COL21A1: variants seen among roughly 807,000 people sequenced by gnomAD.
COL21A1 encodes the protein collagen type XXI alpha 1 chain.
COL21A1 carries 149 observed loss-of-function variants against 137.9 expected under a neutral mutation model. That is an observed-to-expected ratio of 1.08 (90% confidence interval 0.95 to 1.24). The LOEUF (loss-of-function observed/expected upper bound fraction) is 1.24, where lower values mean the gene tolerates loss of function less well. Among genes scored for constraint, COL21A1 ranks in the 50% most tolerant of loss-of-function variants. The pLI is 0.00. For missense variants in COL21A1, 1,167 were observed against 1,158.4 expected (o/e 1.01, Z -0.11); for synonymous variants, 456 against 391.5 (o/e 1.16, Z -1.95).
chr6:56,095,623 A>T (rs1001286873), intron 17 of COL21A1, among the ~76,000 whole-genome samples: 7 of 152,156 alleles, frequency 4.6e-5, no homozygotes, highest in African/African-American at 1.7e-4. Flanking sequence ...CATGTACCGC[A>T]TGGCAGCCTC....
intron 1 of COL21A1, among the ~76,000 whole-genome samples, chr6:56,393,810 C>A (rs1309201897): frequency 6.6e-6 from 1 of 152,144 alleles, no homozygotes; most frequent in African/African-American, 2.4e-5. Flanking sequence ...CTCCTACTGG[C>A]GGACCTGGCA....
At chr6:56,097,589 A>ACT (rs1446202316) in intron 17 of COL21A1, among the ~76,000 whole-genome samples, 1 of 150,684 alleles carries the variant, frequency 6.6e-6, no homozygotes, top group Non-Finnish European at 1.5e-5. Context: ...TGGAATGGTA[A>ACT]ATTATTCTAG....
At chr6:56,281,115 C>T (rs1423557777) in intron 1 of COL21A1, among the ~76,000 whole-genome samples, 1 of 152,206 alleles carries the variant, frequency 6.6e-6, no homozygotes, top group African/African-American at 2.4e-5. Flanking sequence ...ACATCTCAAA[C>T]CCCTGTCTTC....
chr6:56,114,258 A>AGACCT (rs1363965297), intron 16 of COL21A1, among the ~76,000 whole-genome samples: 2 of 152,182 alleles, frequency 1.3e-5, no homozygotes, highest in Non-Finnish European at 2.9e-5. Flanking sequence ...ACACTGGGTG[A>AGACCT]GACCCAGTGC....
intron 16 of COL21A1, among the ~76,000 whole-genome samples, chr6:56,102,071 T>C (rs1208589674): frequency 6.6e-6 from 1 of 152,136 alleles, no homozygotes; most frequent in African/African-American, 2.4e-5. Flanking sequence ...ATAATTGCTT[T>C]TAGTGATATA....
chr6:56,355,470 G>T (rs73450945), intron 1 of COL21A1, among the ~76,000 whole-genome samples: 1 of 152,130 alleles, frequency 6.6e-6, no homozygotes, highest in African/African-American at 2.4e-5. Flanking sequence ...GACCTAAGAG[G>T]TCTATCAACC....
intron 19 of COL21A1, among the ~76,000 whole-genome samples, chr6:56,074,982 G>A (rs1767084455): frequency 2.5e-5 from 1 of 39,256 alleles, no homozygotes; most frequent in African/African-American, 7.9e-5. Flanking sequence ...GTTAAAATTT[G>A]GGGGGGGATT....
chr6:56,200,556 T>C (rs1179179074), intron 1 of COL21A1, among the ~76,000 whole-genome samples: 11 of 150,056 alleles, frequency 7.3e-5, no homozygotes. Flanking sequence ...ATGCAGTGTT[T>C]GGTTTTTTGT....
chr6:56,226,696 T>G lies in COL21A1; in HGVS notation c.-39+20691A>C, dbSNP rs530789960. Among the ~76,000 whole-genome samples, 18 of 152,104 alleles carry G rather than the reference T, an allele frequency of 1.2e-4. No individual in the cohort carries two copies. The South Asian group carries it at 3.3e-3, about 28-fold the overall frequency. ...GTGTGATGGTGTTGTTTGGTTTGCT[T>G]TTATGGTGCAATGCACTGGTATCTT... On this transcript the variant is annotated intron_variant, in intron 1 of 29. Coordinates refer to ENST00000244728, the MANE Select transcript of COL21A1 (RefSeq NM_030820.4).
intron 12 of COL21A1, among the ~76,000 whole-genome samples, chr6:56,136,882 G>A (rs923252202): frequency 6.6e-6 from 1 of 151,994 alleles, no homozygotes; most frequent in Admixed American, 6.6e-5. Flanking sequence ...ACACTCCTAT[G>A]GCCCAGTCAG....
intron 10 of COL21A1, among the ~76,000 whole-genome samples, chr6:56,147,445 T>A (rs1774921896): frequency 6.6e-6 from 1 of 151,438 alleles, no homozygotes; most frequent in Non-Finnish European, 1.5e-5. Context: ...ACCCAGCAAA[T>A]ATAGGTATAT....
intron 1 of COL21A1, among the ~76,000 whole-genome samples, chr6:56,299,460 T>C (rs74839389): frequency 0.083 from 12,589 of 152,170 alleles, 574 homozygotes; most frequent in Middle Eastern, 0.14. Flanking sequence ...CAGAAACAAC[T>C]ATTTGATAAC....
chr6:56,359,750 A>C (rs188353682), intron 1 of COL21A1, among the ~76,000 whole-genome samples: 7 of 152,304 alleles, frequency 4.6e-5, no homozygotes, highest in African/African-American at 1.7e-4. Context: ...AATTAAACTC[A>C]GTGGTTTTGG....
chr6:56,283,190 A>G (rs552165785), intron 1 of COL21A1, among the ~76,000 whole-genome samples: 17 of 152,256 alleles, frequency 1.1e-4, no homozygotes, highest in African/African-American at 4.1e-4. Context: ...CAAGACTTGC[A>G]TAAAGATTTA....
At chr6:56,078,224 T>G in intron 17 of COL21A1, 1 of 455,730 alleles carries the variant, frequency 2.2e-6, no homozygotes, top group Non-Finnish European at 4.4e-6. Flanking sequence ...ATGTTAATTC[T>G]ATCAAGTTAA....
In COL21A1 at chr6:56,358,111, A is replaced by T. The variant is rs182578261; in HGVS notation, c.-39+35860T>A. On this transcript the variant is annotated intron_variant, in intron 1 of 28. Coordinates refer to the COL21A1 transcript ENST00000370819. ...ATATTAAATCATTTAGCAATATTTC[A>T]GTTGCACTTTTTTTCTAAGGGGTAT... 2.0e-5 allele frequency among the ~76,000 whole-genome samples: 3 copies of T among 152,298 alleles called. No homozygotes were observed. In the East Asian group the frequency reaches 5.8e-4, roughly 29 times the overall value.
At chr6:56,306,376 CATAGAT>C (rs1764453012) in intron 1 of COL21A1, among the ~76,000 whole-genome samples, 1 of 151,752 alleles carries the variant, frequency 6.6e-6, no homozygotes, top group Non-Finnish European at 1.5e-5. Flanking sequence ...ACCGATCAGA[CATAGAT>C]TTGGTCTTTT....
intron 16 of COL21A1, among the ~76,000 whole-genome samples, chr6:56,109,515 C>A (rs1771229117): frequency 6.6e-6 from 1 of 151,580 alleles, no homozygotes; most frequent in Admixed American, 6.6e-5. Flanking sequence ...AGAAAGAATG[C>A]TTAAACAGAC....
chr6:56,230,758 A>G (rs1781510053), intron 1 of COL21A1, among the ~76,000 whole-genome samples: 1 of 151,928 alleles, frequency 6.6e-6, no homozygotes, highest in Admixed American at 6.6e-5. Context: ...TTTTCAACTG[A>G]GAAAATACAA....
Sources: gnomAD v4.1 joint callset for allele counts (sites outside exome capture counted in the v4.1 genomes callset) on GRCh38, gnomAD v4.1.1 for gene constraint, MANE v1.5 for transcripts, NCBI Gene and HGNC (gene_info 2026-07-23, HGNC 2026-07-21) for gene names.